The following MYO18B variants were observed in gnomAD, a reference collection of about 807,000 sequenced individuals.
MYO18B encodes the protein unconventional myosin-XVIIIb.
In MYO18B, 204 loss-of-function variants were observed where a neutral mutation model predicts 273.0. The ratio of observed to expected loss-of-function variants is 0.75; its 90% CI spans 0.67 to 0.84. The LOEUF (loss-of-function observed/expected upper bound fraction) is 0.84, where lower values mean the gene tolerates loss of function less well. MYO18B is among the 40% of genes least tolerant of loss of function. MYO18B has a pLI of 0.00. For missense variants in MYO18B, 3,212 were observed against 3,287.6 expected, an observed-to-expected ratio of 0.98 and a Z score of 0.56; for synonymous variants, 1,330 against 1,305.7, an observed-to-expected ratio of 1.02 and a Z score of -0.40.
intron 40 of MYO18B, among the ~76,000 whole-genome samples, chr22:25,997,976 C>CAA (rs1933502447): frequency 8.3e-6 from 1 of 121,176 alleles, no homozygotes; most frequent in African/African-American, 3.1e-5. Flanking sequence ...CACACACACA[C>CAA]ACGAGAGAGA....
intron 18 of MYO18B, 59 bp from the exon 19 acceptor site, chr22:25,846,041 G>A: frequency 7.0e-7 from 1 of 1,421,400 alleles, no homozygotes; most frequent in Non-Finnish European, 9.2e-7. Flanking sequence ...CACCACCCAG[G>A]CCAAGGCTTT....
chr22:25,833,099 G>A, intron 16 of MYO18B, 102 bp downstream of exon 16: 1 of 1,095,496 alleles, frequency 9.1e-7, no homozygotes, highest in Non-Finnish European at 1.4e-6. Context: ...AATGCCGTGT[G>A]CACCTAGAGT....
chr22:25,989,626 CAAA>C (rs56004208), intron 39 of MYO18B, among the ~76,000 whole-genome samples: 892 of 88,476 alleles, frequency 0.01, 7 homozygotes, highest in African/African-American at 0.042. Flanking sequence ...ACTAAAAATA[CAAA>C]AAAAAAAAAA....
intron 31 of MYO18B, among the ~76,000 whole-genome samples, chr22:25,906,806 G>A (rs2092054531): frequency 6.6e-6 from 1 of 151,988 alleles, no homozygotes; most frequent in African/African-American, 2.4e-5. Flanking sequence ...TGAAGCAGGA[G>A]CAGTCACGTA....
intron 34 of MYO18B, among the ~76,000 whole-genome samples, chr22:25,944,618 G>T (rs1478212886): frequency 2.0e-5 from 3 of 152,154 alleles, no homozygotes; most frequent in Admixed American, 1.3e-4. Context: ...GGGAGGCCGA[G>T]GCGGGCAGAT....
intron 11 of MYO18B, among the ~76,000 whole-genome samples, chr22:25,789,268 C>T (rs5996973): frequency 0.92 from 139,109 of 151,910 alleles, 64,465 homozygotes; most frequent in Non-Finnish European, 0.99. Flanking sequence ...TCTTGTTTTC[C>T]CTCTTACTGA....
chr22:26,007,149 C>G (rs913018797), intron 42 of MYO18B, among the ~76,000 whole-genome samples: 4 of 152,218 alleles, frequency 2.6e-5, no homozygotes, highest in Admixed American at 2.0e-4. Context: ...AAGGGAGATA[C>G]TTACACATCT....
At chr22:26,026,374 C>T (rs1936240153) in intron 42 of MYO18B, 71 bp from the exon 43 acceptor site, 1 of 1,504,600 alleles carries the variant, frequency 6.6e-7, no homozygotes, top group Non-Finnish European at 9.0e-7. Flanking sequence ...TGCTTAGGGG[C>T]TCTCACACCG....
At chr22:25,828,551 A>T (rs1324297113) in intron 14 of MYO18B, among the ~76,000 whole-genome samples, 1 of 151,006 alleles carries the variant, frequency 6.6e-6, no homozygotes, top group African/African-American at 2.4e-5. Context: ...AGGCAGTTTA[A>T]TTCCTTTAGT....
intron 17 of MYO18B, among the ~76,000 whole-genome samples, chr22:25,843,303 T>C (rs2090139371): frequency 6.6e-6 from 1 of 152,234 alleles, no homozygotes; most frequent in Non-Finnish European, 1.5e-5. Flanking sequence ...ATTTTAAAAA[T>C]ATTTCATCAT....
At chr22:25,795,937 G>T (rs372987928) in intron 11 of MYO18B, among the ~76,000 whole-genome samples, 41 of 152,272 alleles carry the variant, frequency 2.7e-4, no homozygotes, top group African/African-American at 9.1e-4. Context: ...CTAATTTGCT[G>T]TGTGACCTTG....
At chr22:25,990,473 G>A (rs1487248881) in intron 39 of MYO18B, among the ~76,000 whole-genome samples, 17 of 151,984 alleles carry the variant, frequency 1.1e-4, no homozygotes. Context: ...ATCACTTGAG[G>A]TCAGGAATTC....
intron 42 of MYO18B, among the ~76,000 whole-genome samples, chr22:26,024,674 C>T (rs534648963): frequency 6.6e-5 from 10 of 152,288 alleles, no homozygotes; most frequent in South Asian, 2.1e-4. Flanking sequence ...GCCCTTTAGC[C>T]GGGCCCATCA....
intron 11 of MYO18B, among the ~76,000 whole-genome samples, chr22:25,790,139 TGA>T (rs1490163095): frequency 7.9e-6 from 1 of 127,080 alleles, no homozygotes; most frequent in African/African-American, 3.0e-5. Context: ...GGCGACAGCG[TGA>T]GACTCCGTCT....
intron 32 of MYO18B, among the ~76,000 whole-genome samples, chr22:25,909,815 G>A (rs2092120243): frequency 6.6e-6 from 1 of 152,196 alleles, no homozygotes; most frequent in African/African-American, 2.4e-5. Flanking sequence ...AATAGTTAGT[G>A]ACCTGGGTGG....
Position 26,026,683 on chromosome 22 carries a change from C to T in MYO18B, c.6709C>T (p.Pro2237Ser). 6.2e-7 allele frequency: 1 copy of T among 1,613,924 alleles called. No individual in the cohort carries two copies. Among genetic ancestry groups the T allele is most frequent in the South Asian group, 1.1e-5 (1 of 91,056 alleles). Residue 2237 changes from proline to serine, a missense_variant, in exon 43 of 44, where the codon CCG becomes TCG. Physicochemically the swap from Pro to Ser is moderately conservative, Grantham distance 74. Transcript: ENST00000335473. ...GGCTTCTCGGAGTACAAATACATCC[C>T]CGCTGTCGAGGGAAAAGCTGCCCAG... The part of the protein sequence containing the change: ...PLASRSTNTS[P>S]LSREKLPSPS...
At chr22:25,955,481 G>A in intron 39 of MYO18B, 117 bp downstream of exon 39, 1 of 1,098,384 alleles carries the variant, frequency 9.1e-7, no homozygotes, top group Non-Finnish European at 1.2e-6. Flanking sequence ...GGCCTCAGGG[G>A]TGTGCGGAAA....
At chr22:25,946,961 C>T (rs1193021335) in intron 35 of MYO18B, among the ~76,000 whole-genome samples, 2 of 152,222 alleles carry the variant, frequency 1.3e-5, no homozygotes, top group East Asian at 3.9e-4. Context: ...GTTTCCAAGT[C>T]CCCTATCTGG....
intron 1 of MYO18B, among the ~76,000 whole-genome samples, chr22:25,744,765 T>A (rs944665047): frequency 2.0e-5 from 3 of 152,042 alleles, no homozygotes; most frequent in African/African-American, 7.2e-5. Context: ...ATAAACAAAA[T>A]GAAATTAAAT....
Sources: gnomAD v4.1 joint callset for allele counts (sites outside exome capture counted in the v4.1 genomes callset) on GRCh38, gnomAD v4.1.1 for gene constraint, MANE v1.5 for transcripts, NCBI Gene and HGNC (gene_info 2026-07-23, HGNC 2026-07-21) for gene names.